The following CATSPERE variants were observed in gnomAD, a reference collection of about 807,000 sequenced individuals.
CATSPERE encodes cation channel sperm-associated auxiliary subunit epsilon.
CATSPERE carries 93 observed loss-of-function variants against 114.1 expected under a neutral mutation model. The observed-to-expected ratio is 0.81, with a 90% CI of 0.69 to 0.97. The LOEUF is 0.97. Ranked by LOEUF, CATSPERE falls within the 50% of genes least tolerant of loss-of-function variation. The pLI is 0.00. For synonymous variants in CATSPERE, 341 were observed against 384.1 expected (o/e 0.89, Z 1.31); for missense variants, 1,058 against 1,131.6 (o/e 0.93, Z 0.93).
chr1:244,579,593 T>A lies in CATSPERE; in HGVS notation c.1951-2203T>A, dbSNP rs189767818. 1.1e-4 allele frequency among the ~76,000 whole-genome samples: 17 copies of A among 152,274 alleles called. No homozygotes were observed. In the East Asian group the frequency reaches 3.1e-3, roughly 28 times the overall value. ...TAAGTGTACTTGCATAGTTCAAACA[T>A]GTGTTGTTCAAGGGTCTACTGTATA... On this transcript the variant is annotated intron_variant, in intron 11 of 21. Transcript: ENST00000366534.
At chr1:244,639,839 G>A (rs1179662760) in intron 21 of CATSPERE, 89 bp from the exon 22 acceptor site, 7 of 1,185,888 alleles carry the variant, frequency 5.9e-6, no homozygotes, top group Non-Finnish European at 8.3e-6. Flanking sequence ...TGGCATAGTA[G>A]CTAGCTATTC....
rs1488496656 is a variant in CATSPERE, at chr1:244,552,397, G to A, written c.612G>A (p.Gln204=). ...KEIRGNQVTF[Q]DCFIADFLIL... is the part of the protein sequence containing the mutation. ...TTAGAGGAAACCAAGTTACTTTTCA[G>A]GATTGCTTTATTGCAGATTTTCTTA... is the stretch of plus-strand genomic sequence containing the variant. The change falls in exon 9 of 22, where the codon CAG becomes CAA. Residue 204 remains glutamine, a synonymous_variant. Transcript: ENST00000366534. 1 of 1,614,010 alleles carries A rather than the reference G, an allele frequency of 6.2e-7. No homozygotes were observed. Among genetic ancestry groups the A allele is most frequent in the African/African-American group, 1.3e-5 (1 of 74,924 alleles).
chr1:244,536,755 A>G (rs1680448813), intron 8 of CATSPERE, among the ~76,000 whole-genome samples: 1 of 152,180 alleles, frequency 6.6e-6, no homozygotes, highest in Admixed American at 6.5e-5. Flanking sequence ...GCTCTTATGA[A>G]GTTGCTTTTT....
chr1:244,539,951 T>G (rs12745396), intron 8 of CATSPERE, among the ~76,000 whole-genome samples: 131,591 of 151,352 alleles, frequency 0.87, 58,195 homozygotes, highest in East Asian at 1. Flanking sequence ...TTTTTTTGAA[T>G]GGTTTTTTGT....
intron 8 of CATSPERE, among the ~76,000 whole-genome samples, chr1:244,532,227 C>T (rs1419820973): frequency 6.6e-6 from 1 of 151,496 alleles, no homozygotes; most frequent in Non-Finnish European, 1.5e-5. Flanking sequence ...TCTTAGTTTA[C>T]TGATTTTATT....
Position 244,610,237 on chromosome 1 carries a change from C to CA in CATSPERE, c.2404-2dup, listed in dbSNP as rs1670529100. 1 of 1,594,534 alleles carries CA rather than the reference C, an allele frequency of 6.3e-7. No homozygotes were observed. Among genetic ancestry groups the CA allele is most frequent in the African/African-American group, 1.3e-5 (1 of 74,344 alleles). On this transcript the variant is annotated splice_region_variant and splice_polypyrimidine_tract_variant and intron_variant, in intron 18 of 21. Coordinates refer to ENST00000366534, the MANE Select transcript of CATSPERE (RefSeq NM_001130957.2). ...CCCACATACATGTGCCATCTTTTGA[C>CA]AGAGTGGTTGTTTACATGAAGCACA...
intron 8 of CATSPERE, among the ~76,000 whole-genome samples, chr1:244,551,503 A>C (rs2148495005): frequency 6.6e-6 from 1 of 152,370 alleles, no homozygotes; most frequent in African/African-American, 2.4e-5. Context: ...AGTAAGCAGT[A>C]TTTACACAGT....
At chr1:244,533,347 T>C (rs1679907877) in intron 8 of CATSPERE, among the ~76,000 whole-genome samples, 1 of 152,160 alleles carries the variant, frequency 6.6e-6, no homozygotes, top group South Asian at 2.1e-4. Flanking sequence ...GTTTAGTCCA[T>C]TTACATCCAG....
At chr1:244,612,524 G>A (rs539066514) in intron 19 of CATSPERE, among the ~76,000 whole-genome samples, 31 of 152,296 alleles carry the variant, frequency 2.0e-4, no homozygotes, top group South Asian at 1.2e-3. Context: ...AGAAGGAAAG[G>A]GAGAATATGG....
intron 18 of CATSPERE, among the ~76,000 whole-genome samples, chr1:244,608,703 T>C (rs1044267318): frequency 2.6e-5 from 4 of 152,274 alleles, no homozygotes; most frequent in Middle Eastern, 3.4e-3. Flanking sequence ...CTTCTCCCTC[T>C]CTCTCACGTT....
chr1:244,637,375 C>T (rs112341654), intron 21 of CATSPERE, among the ~76,000 whole-genome samples: 38 of 152,260 alleles, frequency 2.5e-4, no homozygotes, highest in African/African-American at 7.2e-4. Flanking sequence ...CATCCAAAAT[C>T]GTGGCCTTAC....
chr1:244,635,349 T>C (rs1674497552), intron 20 of CATSPERE, 140 bp from the exon 21 acceptor site: 9 of 598,078 alleles, frequency 1.5e-5, no homozygotes, highest in South Asian at 1.5e-4. Flanking sequence ...TCTATAAATG[T>C]ATCCATTCTG....
chr1:244,530,540 T>G (rs1679423162), intron 8 of CATSPERE, among the ~76,000 whole-genome samples: 1 of 152,236 alleles, frequency 6.6e-6, no homozygotes, highest in Non-Finnish European at 1.5e-5. Flanking sequence ...GGATTTTTTT[T>G]TCCTATTTCT....
intron 8 of CATSPERE, among the ~76,000 whole-genome samples, chr1:244,531,744 T>C (rs1177073375): frequency 6.6e-6 from 1 of 152,178 alleles, no homozygotes. Context: ...CATTTTGTCT[T>C]AGATTTTTGC....
intron 8 of CATSPERE, among the ~76,000 whole-genome samples, chr1:244,543,637 A>AT (rs1659236944): frequency 6.9e-6 from 1 of 145,662 alleles, no homozygotes; most frequent in Admixed American, 6.9e-5. Context: ...TTTTATTTTA[A>AT]ATATATATAT....
At chr1:244,476,031 G>A (rs530295665) in intron 2 of CATSPERE, among the ~76,000 whole-genome samples, 2 of 151,954 alleles carry the variant, frequency 1.3e-5, no homozygotes, top group African/African-American at 2.4e-5. Flanking sequence ...ATATCAAAGG[G>A]CATTGTATAT....
intron 7 of CATSPERE, among the ~76,000 whole-genome samples, chr1:244,506,878 A>G (rs1283490193): frequency 6.6e-6 from 1 of 152,112 alleles, no homozygotes; most frequent in Non-Finnish European, 1.5e-5. Flanking sequence ...CTGTGTGTTT[A>G]TATCCATTAA....
intron 7 of CATSPERE, among the ~76,000 whole-genome samples, chr1:244,513,225 G>A (rs539960058): frequency 6.6e-6 from 1 of 152,182 alleles, no homozygotes; most frequent in Non-Finnish European, 1.5e-5. Flanking sequence ...GCAGTGGTGG[G>A]CTGAATTGGC....
In CATSPERE at chr1:244,565,716, T is replaced by C. The variant is rs545182233; in HGVS notation, c.1507+4571T>C. Among the ~76,000 whole-genome samples the C allele has an allele frequency of 5.3e-5, 8 of 152,086 alleles. No homozygotes were observed. The South Asian group carries it at 1.0e-3, about 20-fold the overall frequency. Reference sequence around the variant, plus strand: ...CTCCTGGTTTCATTGATTTTTTTCATAGATTCATAGATTTCATAGATTCAT... The same window carrying C: ...CTCCTGGTTTCATTGATTTTTTTCACAGATTCATAGATTTCATAGATTCAT... On this transcript the variant is annotated intron_variant, in intron 10 of 21. Coordinates refer to ENST00000366534, the MANE Select transcript of CATSPERE (RefSeq NM_001130957.2).
Sources: gnomAD v4.1 joint callset for allele counts (sites outside exome capture counted in the v4.1 genomes callset) on GRCh38, gnomAD v4.1.1 for gene constraint, MANE v1.5 for transcripts, NCBI Gene and HGNC (gene_info 2026-07-23, HGNC 2026-07-21) for gene names.